Variants in IBTK observed in about 807,000 individuals in gnomAD.
The protein encoded by IBTK is BTK-binding protein.
In IBTK, 83 loss-of-function variants were observed where a neutral mutation model predicts 154.9. The observed-to-expected ratio is 0.54, with a 90% CI of 0.45 to 0.64. The LOEUF is 0.64. Among genes scored for constraint, IBTK ranks in the 30% least tolerant of loss-of-function variants. The pLI is 0.00. For synonymous variants in IBTK, 515 were observed against 536.1 expected (o/e 0.96, Z 0.54); for missense variants, 1,332 against 1,584.6 (o/e 0.84, Z 2.71).
At chr6:82,225,920 T>C (rs1318310949) in intron 5 of IBTK, among the ~76,000 whole-genome samples, 3 of 152,184 alleles carry the variant, frequency 2.0e-5, no homozygotes, top group Non-Finnish European at 4.4e-5. Flanking sequence ...CAAGTGCAAA[T>C]TTGTTTGGTA....
At chr6:82,204,607 T>A (rs1199670157) in intron 17 of IBTK, among the ~76,000 whole-genome samples, 1 of 152,180 alleles carries the variant, frequency 6.6e-6, no homozygotes, top group Non-Finnish European at 1.5e-5. Flanking sequence ...CCATCTTTAT[T>A]CTTCAAGGTT....
chr6:82,225,452 T>G, intron 6 of IBTK, 25 bp downstream of exon 6: 1 of 1,581,144 alleles, frequency 6.3e-7, no homozygotes, highest in Non-Finnish European at 8.6e-7. Context: ...TGTAAAACCT[T>G]ATTATTTAAA....
Position 82,191,111 on chromosome 6 carries a change from T to C in IBTK, c.3537A>G (p.Leu1179=). 1 of 1,597,884 alleles carries C rather than the reference T, an allele frequency of 6.3e-7. No individual in the cohort carries two copies. The highest frequency in any genetic ancestry group is 8.5e-7 in the Non-Finnish European group (1 of 1,170,900). The change falls in exon 25 of 29, where the codon TTA becomes TTG. Residue 1179 remains leucine, a synonymous_variant. Coordinates refer to ENST00000306270, the MANE Select transcript of IBTK (RefSeq NM_015525.4). ...NSGMNSMETV[L]FTPSKAPKPV... Reference sequence around the variant, plus strand: ...GTTTGGGGGCTTTTGAAGGAGTGAATAAAACTGTTTCCATGCTATTCATTC... The same window carrying C: ...GTTTGGGGGCTTTTGAAGGAGTGAACAAAACTGTTTCCATGCTATTCATTC...
chr6:82,200,401 T>C (rs1769158009), intron 20 of IBTK, 148 bp from the exon 21 acceptor site: 1 of 753,784 alleles, frequency 1.3e-6, no homozygotes, highest in Non-Finnish European at 2.1e-6. Context: ...TAATTATGTA[T>C]TTACTTTGTA....
Position 82,171,230 on chromosome 6 carries a change from T to C in IBTK, c.*195A>G. ...TTTGTCTCACACATTTTATATAAAG[T>C]TACTAAAATCACAATTCTGAGAAAT... On this transcript the variant is annotated 3_prime_UTR_variant, in exon 29 of 29. Coordinates refer to ENST00000306270, the MANE Select transcript of IBTK (RefSeq NM_015525.4). 1.3e-5 allele frequency: 5 copies of C among 375,870 alleles called. No individual in the cohort carries two copies. The highest frequency in any genetic ancestry group is 2.4e-5 in the Non-Finnish European group (5 of 212,208). 23.3% of individuals were successfully genotyped at this position (375,870 alleles called of 1,614,324 possible).
At chr6:82,208,184 A>G (rs1769483172) in intron 16 of IBTK, among the ~76,000 whole-genome samples, 1 of 151,488 alleles carries the variant, frequency 6.6e-6, no homozygotes, top group Non-Finnish European at 1.5e-5. Flanking sequence ...GATTGTGGTA[A>G]TTATCTCTCT....
At chr6:82,223,299 A>G (rs905979769) in intron 8 of IBTK, 141 bp downstream of exon 8, 2 of 577,278 alleles carry the variant, frequency 3.5e-6, no homozygotes, top group African/African-American at 3.8e-5. Flanking sequence ...AAAATCAAAG[A>G]CAAAAATTCC....
intron 3 of IBTK, among the ~76,000 whole-genome samples, chr6:82,232,327 C>T (rs1770541776): frequency 6.6e-6 from 1 of 152,134 alleles, no homozygotes; most frequent in Non-Finnish European, 1.5e-5. Context: ...TCCACACATA[C>T]AAAGGTTCTA....
intron 26 of IBTK, among the ~76,000 whole-genome samples, chr6:82,179,924 T>C (rs541222929): frequency 1.3e-5 from 2 of 152,220 alleles, no homozygotes; most frequent in East Asian, 3.9e-4. Flanking sequence ...TGGGAAGCAT[T>C]AAGATAAAAG....
intron 23 of IBTK, among the ~76,000 whole-genome samples, chr6:82,193,624 C>T (rs1043154561): frequency 2.0e-5 from 3 of 152,192 alleles, no homozygotes; most frequent in Admixed American, 2.0e-4. Flanking sequence ...GAAGCACAAG[C>T]TTAATTAACA....
intron 8 of IBTK, among the ~76,000 whole-genome samples, chr6:82,221,897 G>T (rs1582237022): frequency 6.6e-6 from 1 of 152,152 alleles, no homozygotes; most frequent in Non-Finnish European, 1.5e-5. Context: ...AGGTGCAGTG[G>T]CTCACGCCTG....
rs192219854 is a variant in IBTK at position 82,228,074 on chromosome 6, G to A, written c.544-772C>T. Among the ~76,000 whole-genome samples the A allele has an allele frequency of 1.2e-3, 182 of 151,854 alleles. 2 individuals are homozygous for A. Among genetic ancestry groups the A allele is most frequent in the Non-Finnish European group, 1.3e-3 (89 of 67,950 alleles). ...TATATATTTACATATCTAACCCTGG[G>A]CCACATTTTGCTATTTTCCAAGCTC... On this transcript the variant is annotated intron_variant, in intron 4 of 28. Coordinates refer to ENST00000306270, the MANE Select transcript of IBTK (RefSeq NM_015525.4).
intron 5 of IBTK, among the ~76,000 whole-genome samples, chr6:82,226,826 G>A (rs538640967): frequency 7.9e-5 from 12 of 151,970 alleles, no homozygotes; most frequent in Non-Finnish European, 1.0e-4. Context: ...GGCCGGTCTC[G>A]AACTCCCGAC....
At chr6:82,183,914 C>A (rs1377756088) in intron 25 of IBTK, among the ~76,000 whole-genome samples, 2 of 152,214 alleles carry the variant, frequency 1.3e-5, no homozygotes, top group South Asian at 2.1e-4. Flanking sequence ...CTGGCATATG[C>A]CTTCCACTAT....
intron 25 of IBTK, among the ~76,000 whole-genome samples, chr6:82,183,323 T>C (rs1262221954): frequency 6.6e-6 from 1 of 151,956 alleles, no homozygotes; most frequent in Non-Finnish European, 1.5e-5. Flanking sequence ...GGCATGAGAA[T>C]TGCTTGAACC....
chr6:82,182,342 G>T (rs988242427), intron 25 of IBTK, among the ~76,000 whole-genome samples: 1 of 151,564 alleles, frequency 6.6e-6, no homozygotes, highest in Non-Finnish European at 1.5e-5. Flanking sequence ...CAAAAGAAAA[G>T]AAACTATTAA....
intron 1 of IBTK, among the ~76,000 whole-genome samples, chr6:82,241,070 G>A (rs759194229): frequency 6.6e-6 from 1 of 151,972 alleles, no homozygotes; most frequent in Non-Finnish European, 1.5e-5. Flanking sequence ...TGGCATAAAC[G>A]GGTTAATTCC....
At chr6:82,236,604 A>T (rs974701820) in intron 2 of IBTK, among the ~76,000 whole-genome samples, 2 of 152,160 alleles carry the variant, frequency 1.3e-5, no homozygotes, top group Non-Finnish European at 2.9e-5. Flanking sequence ...TGTAGGCAAC[A>T]AGTTTCTGCT....
At chr6:82,196,098 A>T (rs1168009320) in intron 22 of IBTK, among the ~76,000 whole-genome samples, 200 bp downstream of exon 22, 1 of 152,214 alleles carries the variant, frequency 6.6e-6, no homozygotes, top group Non-Finnish European at 1.5e-5. Flanking sequence ...ATAACATCAT[A>T]AAGGGCTCAA....
Sources: gnomAD v4.1 joint callset for allele counts (sites outside exome capture counted in the v4.1 genomes callset) on GRCh38, gnomAD v4.1.1 for gene constraint, MANE v1.5 for transcripts, NCBI Gene and HGNC (gene_info 2026-07-23, HGNC 2026-07-21) for gene names.